Variants in BTN3A2 observed in about 807,000 individuals in gnomAD.
BTN3A2 encodes butyrophilin subfamily 3 member A2.
A neutral mutation model predicts 37.6 loss-of-function variants in BTN3A2; 25 were observed. The ratio of observed to expected loss-of-function variants is 0.66; its 90% confidence interval spans 0.48 to 0.93. The LOEUF (loss-of-function observed/expected upper bound fraction) is 0.93, where lower values mean the gene tolerates loss of function less well. Ranked by LOEUF, BTN3A2 falls within the 40% of genes least tolerant of loss-of-function variation. The pLI, the probability that BTN3A2 is intolerant of heterozygous loss-of-function variation, is 0.00. For synonymous variants in BTN3A2, 122 were observed against 159.4 expected (o/e 0.77, Z 1.77); for missense variants, 266 against 410.9 (o/e 0.65, Z 3.05).
At chr6:26,378,320 A>G (rs892111890), downstream of BTN3A2, 4 of 152,162 alleles carry the variant, frequency 2.6e-5, no homozygotes, top group Non-Finnish European at 5.9e-5. Flanking sequence ...TGACTCTTCA[A>G]CTTGGTTTTT....
chr6:26,367,544 G>A (rs145468733), intron 1 of BTN3A2, among the ~76,000 whole-genome samples: 27 of 152,336 alleles, frequency 1.8e-4, no homozygotes, highest in Non-Finnish European at 2.9e-4. Context: ...AGTGGGTCCA[G>A]CCCATTGTGG....
At position 26,370,121 on chromosome 6, in the gene BTN3A2, T is replaced by C. The variant is rs1759951465; in HGVS notation, c.434-201T>C. ...TCCTCCCTCTGGTAATTGGGGTGGGTGGGAATAGCCCCACTGTTTCTGACC... is the reference window on the plus strand; with the variant it reads ...TCCTCCCTCTGGTAATTGGGGTGGGCGGGAATAGCCCCACTGTTTCTGACC... On this transcript the variant is annotated intron_variant, in intron 4 of 10. Transcript: ENST00000377708. 2.0e-5 allele frequency among the ~76,000 whole-genome samples: 3 copies of C among 152,210 alleles called. 1 individual carries two copies. In the South Asian group the frequency reaches 6.2e-4, roughly 32 times the overall value.
In BTN3A2 at chr6:26,368,923, A is replaced by G. The variant is rs1203388024; in HGVS notation, c.433+11A>G. 1.4e-6 allele frequency: 2 copies of G among 1,426,598 alleles called. No homozygotes were observed. Among genetic ancestry groups the G allele is most frequent in the East Asian group, 2.4e-5 (1 of 40,828 alleles). The allele number at this position is 1,426,598 out of a possible 1,614,324, so 88.4% of individuals were successfully genotyped here. A position where few individuals can be genotyped will look rare whatever the true frequency, so the allele number is the denominator to read the frequency against. Reference sequence around the variant, plus strand: ...AGCTGAAGGTTGCAGGTGAGCCTCCAGGTTTTGTTCTGAGAACATTTCTCT... The same window carrying G: ...AGCTGAAGGTTGCAGGTGAGCCTCCGGGTTTTGTTCTGAGAACATTTCTCT... On this transcript the variant is annotated intron_variant, in intron 4 of 10. Coordinates refer to ENST00000377708, the MANE Select transcript of BTN3A2 (RefSeq NM_007047.5).
intron 1 of BTN3A2, among the ~76,000 whole-genome samples, chr6:26,365,875 G>A (rs970810518): frequency 6.6e-6 from 1 of 152,106 alleles, no homozygotes; most frequent in Non-Finnish European, 1.5e-5. Context: ...ATATTCAACA[G>A]GTGGGGAATA....
In BTN3A2 at chr6:26,376,105, CG is replaced by C; in HGVS notation, c.*346del. 1 of 256,342 alleles carries C rather than the reference CG, an allele frequency of 3.9e-6. No individual in the cohort carries two copies. The highest frequency in any genetic ancestry group is 7.5e-6 in the Non-Finnish European group (1 of 134,006). The allele number at this position is 256,342 out of a possible 1,614,324, so 15.9% of individuals were successfully genotyped here. ...ACGGGCACCTGTAGTCCCAGCTACT[CG>C]GGAGGCTGAGGCAGGAGAATGGCAT... On this transcript the variant is annotated 3_prime_UTR_variant, in exon 11 of 11. Coordinates refer to ENST00000377708, the MANE Select transcript of BTN3A2 (RefSeq NM_007047.5).
Position 26,376,541 on chromosome 6 carries a change from A to G in BTN3A2, c.*779A>G. 1 of 1,352,786 alleles carries G rather than the reference A, an allele frequency of 7.4e-7. No individual in the cohort carries two copies. The highest frequency in any genetic ancestry group is 1.0e-6 in the Non-Finnish European group (1 of 996,310). 83.8% of individuals were successfully genotyped at this position (1,352,786 alleles called of 1,614,324 possible). A position where few individuals can be genotyped will look rare whatever the true frequency, so the allele number is the denominator to read the frequency against. On this transcript the variant is annotated 3_prime_UTR_variant, in exon 11 of 11. Transcript: ENST00000377708. ...CTCTTAAATCCAGGAAAAATGGCTG[A>G]CCCCATGGACACCTCCTCAAACTCT...
rs1760796438 is a variant in BTN3A2, at chr6:26,377,810, C to A, written c.*2048C>A. On this transcript the variant is annotated 3_prime_UTR_variant, in exon 11 of 11. Coordinates refer to ENST00000377708, the MANE Select transcript of BTN3A2 (RefSeq NM_007047.5). ...AAGACCCCTATGGACTCCTTCCCAGCTGATTATCAGAGCCTTAGACCCAGC... is the reference window on the plus strand; with the variant it reads ...AAGACCCCTATGGACTCCTTCCCAGATGATTATCAGAGCCTTAGACCCAGC... The A allele has an allele frequency of 6.4e-6, 1 of 156,986 alleles. No homozygotes were observed. Among genetic ancestry groups the A allele is most frequent in the Admixed American group, 6.1e-5 (1 of 16,520 alleles). 9.7% of individuals were successfully genotyped at this position (156,986 alleles called of 1,614,324 possible).
At chr6:26,372,770 C>A in intron 5 of BTN3A2, 127 bp from the exon 6 acceptor site, 1 of 1,108,956 alleles carries the variant, frequency 9.0e-7, no homozygotes, top group Non-Finnish European at 1.3e-6. Context: ...GGGAGAGAAT[C>A]CTTATTTAAC....
In BTN3A2 at chr6:26,377,403, G is replaced by A. The variant is rs566430336; in HGVS notation, c.*1641G>A. On this transcript the variant is annotated 3_prime_UTR_variant, in exon 11 of 11. Transcript: ENST00000377708. ...TAAGGAAACTGGGGTGTAGAAAAGT[G>A]TATTGACTTTACAAAGCAGACAGGA... 5.8e-5 allele frequency: 29 copies of A among 501,810 alleles called. No homozygotes were observed. Among genetic ancestry groups the A allele is most frequent in the African/African-American group, 5.4e-4 (28 of 51,512 alleles). 31.1% of individuals were successfully genotyped at this position (501,810 alleles called of 1,614,324 possible). A position where few individuals can be genotyped will look rare whatever the true frequency, so the allele number is the denominator to read the frequency against.
In BTN3A2 at chr6:26,373,003, G is replaced by A. The variant is rs1470819891; in HGVS notation, c.822G>A (p.Gln274=). The A allele has an allele frequency of 1.9e-6, 3 of 1,614,122 alleles. No homozygotes were observed. The highest frequency in any genetic ancestry group is 2.5e-6 in the Non-Finnish European group (3 of 1,180,050). The change falls in exon 6 of 11, where the codon CAG becomes CAA. Residue 274 remains glutamine, a synonymous_variant. Coordinates refer to ENST00000377708, the MANE Select transcript of BTN3A2 (RefSeq NM_007047.5). ...CCAGTTACTTCTTGTGGAGACAACAGAAGGAAATAACTGCTCTGTCCAGTG... is the reference window on the plus strand; with the variant it reads ...CCAGTTACTTCTTGTGGAGACAACAAAAGGAAATAACTGCTCTGTCCAGTG... ...AGASYFLWRQ[Q]KEITALSSEI... is the part of the protein sequence containing the mutation.
intron 4 of BTN3A2, among the ~76,000 whole-genome samples, 174 bp from the exon 5 acceptor site, chr6:26,370,148 T>C (rs116435025): frequency 7.2e-4 from 109 of 152,316 alleles, no homozygotes; most frequent in African/African-American, 2.6e-3. Flanking sequence ...TTTCTGACCC[T>C]GGGATACTGC....
intron 5 of BTN3A2, among the ~76,000 whole-genome samples, chr6:26,371,698 A>T (rs72841520): frequency 0.032 from 4,848 of 150,144 alleles, 74 homozygotes; most frequent in South Asian, 0.045. Flanking sequence ...TTTTTTTTTT[A>T]GACAAAGTCT....
At chr6:26,371,199 T>C (rs1489809505) in intron 5 of BTN3A2, among the ~76,000 whole-genome samples, 1 of 152,104 alleles carries the variant, frequency 6.6e-6, no homozygotes, top group African/African-American at 2.4e-5. Flanking sequence ...GAGGCAGACG[T>C]TGCAGTGAGT....
At chr6:26,365,516 G>GTGTGTA (rs70977273) in intron 1 of BTN3A2, among the ~76,000 whole-genome samples, 164 bp downstream of exon 1, 2 of 138,758 alleles carry the variant, frequency 1.4e-5, no homozygotes, top group Admixed American at 7.1e-5. Context: ...GTGTGTGTGT[G>GTGTGTA]TACATGTGTA....
At position 26,377,004 on chromosome 6, in the gene BTN3A2, T is replaced by C. The variant is rs1033045661; in HGVS notation, c.*1242T>C. ...CAATGCCACGGATGGATCTCATATC[T>C]ACACATTTCTGCACGCCTCTTCCTC... is the stretch of plus-strand genomic sequence containing the variant. On this transcript the variant is annotated 3_prime_UTR_variant, in exon 11 of 11. Transcript: ENST00000377708. 6.9e-7 allele frequency: 1 copy of C among 1,458,502 alleles called. No individual in the cohort carries two copies. The highest frequency in any genetic ancestry group is 9.6e-7 in the Non-Finnish European group (1 of 1,040,772). The allele number at this position is 1,458,502 out of a possible 1,614,324, so 90.3% of individuals were successfully genotyped here.
chr6:26,370,453 G>A lies in BTN3A2; in HGVS notation c.565G>A (p.Ala189Thr). Residue 189 changes from alanine to threonine, a missense_variant, in exon 5 of 11, where the codon GCT becomes ACT. This residue lies in a region of BTN3A2 where 204 missense variants were observed against 232.6 expected (regional missense o/e 0.88). Transcript: ENST00000377708. ...CAACGCCAAGGGAGAGAACATCCCA[G>A]CTGTGGAAGCACCTGTGGTTGCAGA... ...WSNAKGENIP[A>T]VEAPVVADGV... 1 of 1,614,232 alleles carries A rather than the reference G, an allele frequency of 6.2e-7. No individual in the cohort carries two copies. Among genetic ancestry groups the A allele is most frequent in the South Asian group, 1.1e-5 (1 of 91,092 alleles).
At chr6:26,374,937 G>C in intron 10 of BTN3A2, 139 bp downstream of exon 10, 1 of 859,598 alleles carries the variant, frequency 1.2e-6, no homozygotes, top group Middle Eastern at 2.4e-4. Context: ...ACGCATAAAG[G>C]GTGGAGGTGA....
chr6:26,366,816 G>C (rs577321674), intron 1 of BTN3A2, among the ~76,000 whole-genome samples: 1 of 152,280 alleles, frequency 6.6e-6, no homozygotes, highest in South Asian at 2.1e-4. Context: ...ATGGCTGCAG[G>C]CCTCATGCTC....
intron 1 of BTN3A2, 122 bp downstream of exon 1, chr6:26,365,474 C>CTCTGTG (rs1761965013): frequency 5.4e-5 from 30 of 550,828 alleles, no homozygotes; most frequent in Non-Finnish European, 3.1e-6. Flanking sequence ...GGTGCAGTGC[C>CTCTGTG]TGTGTGTGTG....
Sources: allele counts gnomAD v4.1 joint callset (sites outside exome capture counted in the v4.1 genomes callset), GRCh38; gene constraint gnomAD v4.1.1; regional missense constraint gnomAD v4.1.1; transcripts MANE v1.5; gene names NCBI Gene and HGNC (gene_info 2026-07-23, HGNC 2026-07-21).